Variants in GALNT2 observed in about 807,000 individuals in gnomAD.
GALNT2 encodes the protein polypeptide N-acetylgalactosaminyltransferase 2, also known as UDP-GalNAc:polypeptide N-acetylgalactosaminyltransferase 2.
GALNT2 carries 31 observed loss-of-function variants against 81.4 expected under a neutral mutation model. The observed-to-expected ratio is 0.38, with a 90% CI of 0.29 to 0.51. The LOEUF (loss-of-function observed/expected upper bound fraction) is 0.51. GALNT2 is among the 20% of genes least tolerant of loss of function. The pLI, the probability that GALNT2 is intolerant of heterozygous loss-of-function variation, is 0.87. For synonymous variants in GALNT2, 303 were observed against 287.4 expected (o/e 1.05, Z -0.55); for missense variants, 629 against 765.7 (o/e 0.82, Z 2.11).
chr1:230,084,706 C>T (rs1364833084), intron 1 of GALNT2, among the ~76,000 whole-genome samples: 1 of 152,188 alleles, frequency 6.6e-6, no homozygotes, highest in Non-Finnish European at 1.5e-5. Context: ...CTCCTACTCT[C>T]CTTCAGCTGT....
At chr1:230,228,160 G>A (rs1664769941) in intron 3 of GALNT2, among the ~76,000 whole-genome samples, 1 of 152,126 alleles carries the variant, frequency 6.6e-6, no homozygotes, top group South Asian at 2.1e-4. Context: ...AGACTTTCAT[G>A]GAGAAAATTG....
intron 10 of GALNT2, among the ~76,000 whole-genome samples, chr1:230,253,063 G>T (rs1276541618): frequency 6.6e-6 from 1 of 151,898 alleles, no homozygotes; most frequent in African/African-American, 2.4e-5. Context: ...GGTCAGGCTG[G>T]TCTCAAACTC....
intron 3 of GALNT2, among the ~76,000 whole-genome samples, chr1:230,205,341 T>C (rs1249783599): frequency 2.0e-5 from 3 of 152,122 alleles, no homozygotes; most frequent in Non-Finnish European, 4.4e-5. Flanking sequence ...AGCTTTACAG[T>C]TTTTTTAGGG....
At chr1:230,174,990 C>A (rs638112) in intron 1 of GALNT2, among the ~76,000 whole-genome samples, 34,372 of 151,844 alleles carry the variant, frequency 0.23, 4,604 homozygotes, top group East Asian at 0.38. Flanking sequence ...GCCGTTGTTC[C>A]CCACGCTTGT....
At chr1:230,247,095 A>AT (rs1665395706) in intron 8 of GALNT2, among the ~76,000 whole-genome samples, 2 of 149,910 alleles carry the variant, frequency 1.3e-5, no homozygotes, top group Admixed American at 1.3e-4. Context: ...AAAAAAAAAA[A>AT]TTAGCTGCGT....
At chr1:230,152,404 T>G (rs1392925870) in intron 1 of GALNT2, among the ~76,000 whole-genome samples, 2 of 152,204 alleles carry the variant, frequency 1.3e-5, no homozygotes, top group Non-Finnish European at 2.9e-5. Context: ...TGTGACTCAG[T>G]AGATCATGAA....
At chr1:230,109,798 C>T (rs1042871299) in intron 1 of GALNT2, among the ~76,000 whole-genome samples, 4 of 151,778 alleles carry the variant, frequency 2.6e-5, no homozygotes, top group Non-Finnish European at 2.9e-5. Flanking sequence ...CCATTGCCCT[C>T]CAGCCTGGGC....
Position 230,155,879 on chromosome 1 carries a change from G to C in GALNT2, c.127-22339G>C, listed in dbSNP as rs112326643. ...GTTCTGAGTGGAGGACAAAAGCCTT[G>C]CTTTAAAAGGACTAATTCTGTAGTG... On this transcript the variant is annotated intron_variant, in intron 1 of 15. Transcript: ENST00000366672. Among the ~76,000 whole-genome samples the C allele has an allele frequency of 4.1e-4, 63 of 152,234 alleles. 1 individual carries two copies. The highest frequency in any genetic ancestry group is 1.5e-3 in the African/African-American group (61 of 41,550).
intron 1 of GALNT2, among the ~76,000 whole-genome samples, chr1:230,079,914 A>G (rs1333129799): frequency 6.6e-6 from 1 of 152,210 alleles, no homozygotes; most frequent in Non-Finnish European, 1.5e-5. Context: ...GAGCTCACAC[A>G]TTCTTATGGG....
chr1:230,239,357 C>T (rs1205153526), intron 6 of GALNT2, among the ~76,000 whole-genome samples: 1 of 152,108 alleles, frequency 6.6e-6, no homozygotes, highest in East Asian at 1.9e-4. Flanking sequence ...GGTGAAGCCC[C>T]ACAATAGGCC....
chr1:230,106,849 T>C (rs1571969045), intron 1 of GALNT2, among the ~76,000 whole-genome samples: 2 of 152,334 alleles, frequency 1.3e-5, no homozygotes, highest in South Asian at 2.1e-4. Context: ...TGATAATGTT[T>C]AAGTTCATTC....
chr1:230,129,655 C>T (rs2102811345), intron 1 of GALNT2, among the ~76,000 whole-genome samples: 1 of 152,276 alleles, frequency 6.6e-6, no homozygotes, highest in East Asian at 1.9e-4. Flanking sequence ...AACAATACAC[C>T]CAAGGGTCCT....
intron 1 of GALNT2, among the ~76,000 whole-genome samples, chr1:230,174,708 G>A (rs539466876): frequency 8.5e-5 from 13 of 152,192 alleles, no homozygotes; most frequent in African/African-American, 3.1e-4. Flanking sequence ...TCCCATTGCT[G>A]CATTACTGAA....
chr1:230,260,959 A>G (rs938666880), intron 11 of GALNT2, among the ~76,000 whole-genome samples: 3 of 151,976 alleles, frequency 2.0e-5, no homozygotes, highest in African/African-American at 7.3e-5. Flanking sequence ...TCTGCAAACT[A>G]TTTTATTTTC....
At chr1:230,109,197 C>T (rs1359023160) in intron 1 of GALNT2, among the ~76,000 whole-genome samples, 12 of 152,202 alleles carry the variant, frequency 7.9e-5, no homozygotes, top group Admixed American at 6.5e-4. Context: ...GCTGCGGCTG[C>T]GGACCCCCGT....
chr1:230,116,793 C>G (rs1373401778), intron 1 of GALNT2, among the ~76,000 whole-genome samples: 1 of 152,166 alleles, frequency 6.6e-6, no homozygotes, highest in Non-Finnish European at 1.5e-5. Context: ...CATCCATGTT[C>G]TGTTGTTCCA....
intron 2 of GALNT2, among the ~76,000 whole-genome samples, chr1:230,187,649 C>T (rs113700365): frequency 0.022 from 3,419 of 152,286 alleles, 122 homozygotes; most frequent in African/African-American, 0.076. Context: ...CCTGAATTCT[C>T]GTCCGGTGTC....
chr1:230,148,507 T>C (rs768443066), intron 1 of GALNT2, among the ~76,000 whole-genome samples: 1 of 152,260 alleles, frequency 6.6e-6, no homozygotes, highest in Non-Finnish European at 1.5e-5. Flanking sequence ...GCCTTGCTTC[T>C]AGCGGTCCCT....
At chr1:230,085,616 GC>G (rs1659875483) in intron 1 of GALNT2, among the ~76,000 whole-genome samples, 1 of 152,176 alleles carries the variant, frequency 6.6e-6, no homozygotes, top group Admixed American at 6.5e-5. Context: ...TAGGGGTCTG[GC>G]ATGATCCAGT....
Sources: allele counts gnomAD v4.1 joint callset (sites outside exome capture counted in the v4.1 genomes callset), GRCh38; gene constraint gnomAD v4.1.1; transcripts MANE v1.5; gene names NCBI Gene and HGNC (gene_info 2026-07-23, HGNC 2026-07-21).